Variants in CNTNAP2 observed in about 807,000 individuals in gnomAD.
CNTNAP2 encodes contactin associated protein 2, also known as contactin-associated protein-like 2.
CNTNAP2 carries 98 observed loss-of-function variants against 155.2 expected under a neutral mutation model. That is an observed-to-expected ratio of 0.63 (90% confidence interval 0.54 to 0.75). CNTNAP2 has a LOEUF of 0.75. Ranked by LOEUF, CNTNAP2 falls within the 30% of genes least tolerant of loss-of-function variation. The probability of loss-of-function intolerance (pLI) is 0.00; values close to 1 mark genes in which losing one functional copy is unlikely to be tolerated. For missense variants in CNTNAP2, 1,727 were observed against 1,688.1 expected, an observed-to-expected ratio of 1.02 and a Z score of -0.40; for synonymous variants, 651 against 631.2, an observed-to-expected ratio of 1.03 and a Z score of -0.47.
intron 8 of CNTNAP2, among the ~76,000 whole-genome samples, chr7:147,231,559 C>A (rs1298034277): frequency 1.3e-5 from 2 of 152,190 alleles, no homozygotes; most frequent in Non-Finnish European, 2.9e-5. Context: ...TAACAGTGTA[C>A]AAGAGTTCAC....
intron 1 of CNTNAP2, among the ~76,000 whole-genome samples, chr7:146,459,643 G>T (rs1429769080): frequency 6.6e-6 from 1 of 152,044 alleles, no homozygotes; most frequent in Non-Finnish European, 1.5e-5. Context: ...AGGGAAGGAC[G>T]CACAAAAAGC....
At chr7:146,342,491 A>AATT (rs1245071085) in intron 1 of CNTNAP2, among the ~76,000 whole-genome samples, 1 of 152,228 alleles carries the variant, frequency 6.6e-6, no homozygotes, top group African/African-American at 2.4e-5. Context: ...AATGTGAAGT[A>AATT]ATTATAGACT....
rs1795088137 is a variant in CNTNAP2 at position 146,361,913 on chromosome 7, A to G, written c.97+244940A>G. Among the ~76,000 whole-genome samples, 5 of 152,322 alleles carry G rather than the reference A, an allele frequency of 3.3e-5. No homozygotes were observed. In the South Asian group the frequency reaches 1.0e-3, roughly 32 times the overall value. On this transcript the variant is annotated intron_variant, in intron 1 of 23. Transcript: ENST00000361727. Reference sequence around the variant, plus strand: ...GTATTTTATCATGAGCTGGAATTTTATATCTTTACTTAGAAGCATAGACTA... The same window carrying G: ...GTATTTTATCATGAGCTGGAATTTTGTATCTTTACTTAGAAGCATAGACTA...
chr7:147,071,699 G>C (rs1016721752), intron 4 of CNTNAP2, among the ~76,000 whole-genome samples: 9 of 152,162 alleles, frequency 5.9e-5, no homozygotes, highest in Non-Finnish European at 8.8e-5. Context: ...AAGAAGATAC[G>C]GGTAGTTAAG....
chr7:146,842,840 C>T (rs1393409909), intron 3 of CNTNAP2, among the ~76,000 whole-genome samples: 5 of 151,298 alleles, frequency 3.3e-5, no homozygotes, highest in Admixed American at 6.6e-5. Flanking sequence ...CGCCCGCCAC[C>T]ACGCCCGGCT....
chr7:146,856,611 A>G (rs913118432), intron 3 of CNTNAP2, among the ~76,000 whole-genome samples: 4 of 152,310 alleles, frequency 2.6e-5, no homozygotes, highest in African/African-American at 9.6e-5. Flanking sequence ...GGAAATGAAT[A>G]ATATTTACAC....
chr7:148,053,662 T>C (rs117620642), intron 15 of CNTNAP2, among the ~76,000 whole-genome samples: 2,236 of 152,250 alleles, frequency 0.015, 40 homozygotes, highest in East Asian at 0.085. Context: ...AAATAACCAA[T>C]AAATACAAGA....
Position 147,708,346 on chromosome 7 carries a change from C to A in CNTNAP2, c.2098+69040C>A, listed in dbSNP as rs115211005. ...TCAATGGCTTGCACTTGAATATTGG[C>A]TGCAACTAGCTGCCAGCCATGACAT... On this transcript the variant is annotated intron_variant, in intron 13 of 23. Coordinates refer to ENST00000361727, the MANE Select transcript of CNTNAP2 (RefSeq NM_014141.6). 6.7e-3 allele frequency among the ~76,000 whole-genome samples: 1,014 copies of A among 152,218 alleles called. 10 individuals are homozygous for A. The highest frequency in any genetic ancestry group is 0.023 in the African/African-American group (956 of 41,532).
chr7:146,622,879 C>T (rs1799352254), intron 1 of CNTNAP2, among the ~76,000 whole-genome samples: 1 of 151,484 alleles, frequency 6.6e-6, no homozygotes, highest in African/African-American at 2.4e-5. Flanking sequence ...ATTGCTTGAA[C>T]TCGGCCAGCG....
intron 1 of CNTNAP2, among the ~76,000 whole-genome samples, chr7:146,650,891 G>A (rs1396636483): frequency 6.6e-6 from 1 of 152,118 alleles, no homozygotes; most frequent in Non-Finnish European, 1.5e-5. Flanking sequence ...TGGACTGGTA[G>A]GCACCTGTAT....
At chr7:147,998,331 T>C (rs1345053471) in intron 15 of CNTNAP2, among the ~76,000 whole-genome samples, 1 of 152,060 alleles carries the variant, frequency 6.6e-6, no homozygotes, top group Middle Eastern at 3.2e-3. Context: ...CAGGCTGGTC[T>C]CGATCTCCTG....
At chr7:147,453,210 T>C (rs1797863008) in intron 10 of CNTNAP2, among the ~76,000 whole-genome samples, 1 of 152,168 alleles carries the variant, frequency 6.6e-6, no homozygotes, top group East Asian at 1.9e-4. Context: ...TGCCTATTTA[T>C]ACCAACCCTT....
At chr7:148,136,105 G>A (rs796518919) in intron 16 of CNTNAP2, among the ~76,000 whole-genome samples, 8 of 118,314 alleles carry the variant, frequency 6.8e-5, no homozygotes, top group African/African-American at 2.3e-4. Flanking sequence ...TGGAGGGAAC[G>A]GAGGGAGGAA....
At chr7:146,172,204 C>T (rs1798404522) in intron 1 of CNTNAP2, among the ~76,000 whole-genome samples, 1 of 151,740 alleles carries the variant, frequency 6.6e-6, no homozygotes, top group Non-Finnish European at 1.5e-5. Flanking sequence ...TTCTTTTTAA[C>T]CAAATAGCTC....
At chr7:147,540,285 T>A (rs1240417338) in intron 11 of CNTNAP2, among the ~76,000 whole-genome samples, 1 of 152,054 alleles carries the variant, frequency 6.6e-6, no homozygotes, top group Admixed American at 6.6e-5. Flanking sequence ...CCTTTACACA[T>A]CTCTTTCCTT....
At chr7:147,158,787 A>T (rs1049465020) in intron 8 of CNTNAP2, among the ~76,000 whole-genome samples, 1 of 152,104 alleles carries the variant, frequency 6.6e-6, no homozygotes, top group African/African-American at 2.4e-5. Context: ...AGCAACTACT[A>T]GAGGCCATGC....
intron 13 of CNTNAP2, among the ~76,000 whole-genome samples, chr7:147,696,870 A>G (rs758586517): frequency 2.0e-5 from 3 of 151,968 alleles, no homozygotes; most frequent in Non-Finnish European, 2.9e-5. Flanking sequence ...GAGATGTCAG[A>G]CGTAATTTTA....
intron 8 of CNTNAP2, among the ~76,000 whole-genome samples, chr7:147,285,911 C>A (rs943890166): frequency 6.6e-6 from 1 of 152,086 alleles, no homozygotes; most frequent in Admixed American, 6.6e-5. Flanking sequence ...ATCTCAGCTA[C>A]ACTCTGTCTT....
chr7:146,483,326 T>TATACAC (rs1797005826), intron 1 of CNTNAP2, among the ~76,000 whole-genome samples: 11 of 79,260 alleles, frequency 1.4e-4, no homozygotes, highest in Admixed American at 3.5e-4. Context: ...TATATATATA[T>TATACAC]ATACATATAT....
Sources: allele counts gnomAD v4.1 joint callset (sites outside exome capture counted in the v4.1 genomes callset), GRCh38; gene constraint gnomAD v4.1.1; transcripts MANE v1.5; gene names NCBI Gene and HGNC (gene_info 2026-07-23, HGNC 2026-07-21).